PALM2AKAP2: variants seen among roughly 807,000 people sequenced by gnomAD.
PALM2AKAP2 encodes the protein PALM2-AKAP2 fusion protein.
A neutral mutation model predicts 71.5 loss-of-function variants in PALM2AKAP2; 37 were observed. The observed-to-expected ratio is 0.52, with a 90% CI of 0.40 to 0.68. PALM2AKAP2 has a LOEUF of 0.68. Ranked by LOEUF, PALM2AKAP2 falls within the 30% of genes least tolerant of loss-of-function variation. The probability of loss-of-function intolerance (pLI) is 0.00; values close to 1 mark genes in which losing one functional copy is unlikely to be tolerated. For synonymous variants in PALM2AKAP2, 468 were observed against 478.8 expected (o/e 0.98, Z 0.29); for missense variants, 1,224 against 1,191.8 (o/e 1.03, Z -0.40).
At chr9:110,154,066 T>G (rs1038990189) in intron 2 of PALM2AKAP2, among the ~76,000 whole-genome samples, 2 of 152,190 alleles carry the variant, frequency 1.3e-5, no homozygotes, top group Non-Finnish European at 2.9e-5. Flanking sequence ...TGCAAAAATT[T>G]TATGCAGAAT....
chr9:109,990,700 C>T (rs1050926923), intron 6 of PALM2AKAP2, among the ~76,000 whole-genome samples: 7 of 152,204 alleles, frequency 4.6e-5, no homozygotes, highest in Admixed American at 6.5e-5. Flanking sequence ...CTGCAATAGG[C>T]ATCAGACCAA....
chr9:110,010,628 T>C (rs976850511), intron 6 of PALM2AKAP2, among the ~76,000 whole-genome samples: 3 of 147,988 alleles, frequency 2.0e-5, no homozygotes, highest in South Asian at 2.1e-4. Context: ...TATTTATATA[T>C]TCTATAAATA....
At chr9:109,960,340 T>TG (rs1440457795) in intron 6 of PALM2AKAP2, among the ~76,000 whole-genome samples, 1 of 152,268 alleles carries the variant, frequency 6.6e-6, no homozygotes, top group Non-Finnish European at 1.5e-5. Flanking sequence ...GACCCTTCAG[T>TG]GGGGCTCCTC....
At chr9:109,890,732 G>A (rs2131810298) in intron 3 of PALM2AKAP2, among the ~76,000 whole-genome samples, 1 of 152,258 alleles carries the variant, frequency 6.6e-6, no homozygotes, top group East Asian at 1.9e-4. Context: ...AGCATACTTG[G>A]AGTACATATT....
rs1369792823 is a variant in PALM2AKAP2 at position 109,640,818 on chromosome 9, G to A, written c.-44G>A. 6 of 1,510,438 alleles carry A rather than the reference G, an allele frequency of 4.0e-6. No individual in the cohort carries two copies. In the African/African-American group the frequency reaches 7.1e-5, roughly 18 times the overall value. The allele number at this position is 1,510,438 out of a possible 1,614,324, so 93.6% of individuals were successfully genotyped here. On this transcript the variant is annotated 5_prime_UTR_variant, in exon 1 of 7. Transcript: ENST00000374531. ...CTCGGCTCCGGGAGAGGCGAGCAGC[G>A]CCGGTGAGCCCCGCAGCAGCGCACC...
At chr9:110,049,570 C>G (rs1402185549) in intron 1 of PALM2AKAP2, among the ~76,000 whole-genome samples, 3 of 151,190 alleles carry the variant, frequency 2.0e-5, no homozygotes, top group Admixed American at 6.6e-5. Context: ...GTATCTTATC[C>G]GAGATAAAGC....
rs117922672 is a variant in PALM2AKAP2, at chr9:110,016,442, T to A, written c.582+403T>A. Among the ~76,000 whole-genome samples, 3 of 152,240 alleles carry A rather than the reference T, an allele frequency of 2.0e-5. No individual in the cohort carries two copies. In the East Asian group the frequency reaches 5.8e-4, roughly 29 times the overall value. On this transcript the variant is annotated intron_variant, in intron 7 of 9. Coordinates refer to the PALM2AKAP2 transcript ENST00000302798. ...TGAGAATTCAGGCCCCACTGTGCAT[T>A]GTGAGGAAAGGTCAGAGAGGCATAA...
intron 1 of PALM2AKAP2, among the ~76,000 whole-genome samples, chr9:110,054,399 C>CA (rs56187296): frequency 0.048 from 6,730 of 139,230 alleles, 468 homozygotes; most frequent in African/African-American, 0.16. Context: ...AACTCTGTTT[C>CA]AAAAAAAAAA....
At chr9:109,757,478 G>GA (rs1419757823) in intron 1 of PALM2AKAP2, among the ~76,000 whole-genome samples, 1 of 152,080 alleles carries the variant, frequency 6.6e-6, no homozygotes, top group Admixed American at 6.6e-5. Flanking sequence ...AGTCCTTTGT[G>GA]AAAAAATCCA....
rs1005686734 is a variant in PALM2AKAP2 at position 110,072,393 on chromosome 9, A to G, written c.156+23538A>G. ...CCTGATCTATCAGAGGTCTCAAAAA[A>G]CTGCCTGCTACTAAGCTTGGATCTT... On this transcript the variant is annotated intron_variant, in intron 1 of 3. Coordinates refer to ENST00000374525, the Ensembl canonical transcript of PALM2AKAP2. 6.8e-4 allele frequency among the ~76,000 whole-genome samples: 103 copies of G among 152,158 alleles called. 4 individuals carry two copies. Among genetic ancestry groups the G allele is most frequent in the Non-Finnish European group, 2.1e-4 (14 of 68,030 alleles).
At chr9:109,974,381 C>G (rs974367454) in intron 6 of PALM2AKAP2, among the ~76,000 whole-genome samples, 1 of 152,142 alleles carries the variant, frequency 6.6e-6, no homozygotes, top group Admixed American at 6.5e-5. Flanking sequence ...GTGAGTCTGA[C>G]CCAAAGCCCT....
rs571022502 is a variant in PALM2AKAP2, at chr9:109,733,299, G to A, written c.6-47189G>A. ...AGAAGTGACAAAAGAACATTTGTTA[G>A]ATTGTTCAAAGTATGGTGTATAATG... On this transcript the variant is annotated intron_variant, in intron 1 of 6. Transcript: ENST00000374531. 2.6e-5 allele frequency among the ~76,000 whole-genome samples: 4 copies of A among 152,320 alleles called. No individual in the cohort carries two copies. The South Asian group carries it at 8.3e-4, about 32-fold the overall frequency.
chr9:110,026,951 G>A (rs1354337848), intron 7 of PALM2AKAP2, among the ~76,000 whole-genome samples: 2 of 152,148 alleles, frequency 1.3e-5, no homozygotes, highest in Non-Finnish European at 2.9e-5. Flanking sequence ...GCTGAGGCAC[G>A]AGAATCGCTT....
At chr9:109,862,232 A>AGTG (rs1184183329) in intron 1 of PALM2AKAP2, among the ~76,000 whole-genome samples, 1 of 152,194 alleles carries the variant, frequency 6.6e-6, no homozygotes, top group African/African-American at 2.4e-5. Context: ...TTGAGTTGTA[A>AGTG]GTGGTAGAAA....
intron 1 of PALM2AKAP2, among the ~76,000 whole-genome samples, chr9:109,844,151 C>G (rs1390429342): frequency 6.6e-6 from 1 of 152,180 alleles, no homozygotes; most frequent in Non-Finnish European, 1.5e-5. Flanking sequence ...CAGCTAAGTG[C>G]TTTCTGGAAT....
intron 1 of PALM2AKAP2, among the ~76,000 whole-genome samples, chr9:109,812,738 C>T (rs759847823): frequency 1.3e-5 from 2 of 152,070 alleles, no homozygotes; most frequent in African/African-American, 2.4e-5. Context: ...AGGGCAGGTG[C>T]GCATGTTGCA....
intron 1 of PALM2AKAP2, among the ~76,000 whole-genome samples, chr9:110,088,463 A>G (rs149335388): frequency 2.1e-3 from 313 of 152,262 alleles, no homozygotes; most frequent in African/African-American, 6.9e-3. Context: ...CATAATTTCA[A>G]TTTTTCATCT....
intron 1 of PALM2AKAP2, among the ~76,000 whole-genome samples, chr9:109,856,602 C>T (rs914514479): frequency 6.6e-6 from 1 of 152,126 alleles, no homozygotes; most frequent in African/African-American, 2.4e-5. Context: ...CATTTTATTC[C>T]TGTGTGGATG....
chr9:109,760,009 C>T (rs1433353293), intron 1 of PALM2AKAP2, among the ~76,000 whole-genome samples: 1 of 152,094 alleles, frequency 6.6e-6, no homozygotes, highest in Non-Finnish European at 1.5e-5. Context: ...AGATACAGAA[C>T]ATTTCCGTCA....
Sources: allele counts gnomAD v4.1 joint callset (sites outside exome capture counted in the v4.1 genomes callset), GRCh38; gene constraint gnomAD v4.1.1; transcripts MANE v1.5; gene names NCBI Gene and HGNC (gene_info 2026-07-23, HGNC 2026-07-21).